Variants in FCMR observed in about 807,000 individuals in gnomAD.
FCMR encodes Fc mu receptor.
In FCMR, 34 loss-of-function variants were observed where a neutral mutation model predicts 41.6. The ratio of observed to expected loss-of-function variants is 0.82; its 90% CI spans 0.62 to 1.09. FCMR has a LOEUF of 1.09. Among genes scored for constraint, FCMR ranks in the 50% least tolerant of loss-of-function variants. The pLI, the probability that FCMR is intolerant of heterozygous loss-of-function variation, is 0.00. For missense variants in FCMR, 496 were observed against 512.5 expected (o/e 0.97, Z 0.31); for synonymous variants, 209 against 211.8 (o/e 0.99, Z 0.12).
Position 206,904,366 on chromosome 1 carries a change from C to T in FCMR, c.*653G>A, listed in dbSNP as rs1046841313. On this transcript the variant is annotated 3_prime_UTR_variant, in exon 8 of 8. Transcript: ENST00000367091. Reference sequence around the variant, plus strand: ...ACTTATGTGCATCAAGTGATGGAGACAGAGTAAAGAGAATTTATGGATATA... The same window carrying T: ...ACTTATGTGCATCAAGTGATGGAGATAGAGTAAAGAGAATTTATGGATATA... 1.3e-5 allele frequency: 2 copies of T among 149,028 alleles called. No homozygotes were observed. The highest frequency in any genetic ancestry group is 2.5e-5 in the African/African-American group (1 of 39,916). The allele number at this position is 149,028 out of a possible 1,614,324, so 9.2% of individuals were successfully genotyped here. A position where few individuals can be genotyped will look rare whatever the true frequency, so the allele number is the denominator to read the frequency against.
In FCMR at chr1:206,909,727, G is replaced by A; in HGVS notation, c.983C>T (p.Ala328Val). 1 of 1,450,166 alleles carries A rather than the reference G, an allele frequency of 6.9e-7. No homozygotes were observed. The highest frequency in any genetic ancestry group is 3.0e-5 in the East Asian group (1 of 33,448). The allele number at this position is 1,450,166 out of a possible 1,614,324, so 89.8% of individuals were successfully genotyped here. ...CPRRARGADA[A>V]GTGEAPVPGP... ...CCGTGGCCCGCCCGGCGGCTCACCT[G>A]CAGCGTCCGCTCCACGAGCGCGCCG... Residue 328 changes from alanine (A) to valine (V), a missense_variant and splice_region_variant, in exon 6 of 8, where the codon GCA becomes GTA. Transcript: ENST00000367091. This position sits in a 1 kb window ranked among gnomAD's most constrained non-coding sequence, Gnocchi z 5.0.
Position 206,903,555 on chromosome 1 carries a change from T to A in FCMR, c.*1464A>T, listed in dbSNP as rs1063304. On this transcript the variant is annotated 3_prime_UTR_variant, in exon 8 of 8. Transcript: ENST00000367091. The stretch of plus-strand genomic sequence containing the variant: ...TCAGAGCATGAAAATCACACTGTCT[T>A]CTGATATCTGCAGGGACAGAGCATT... 6.2e-6 allele frequency: 1 copy of A among 161,328 alleles called. No individual in the cohort carries two copies. The highest frequency in any genetic ancestry group is 1.4e-5 in the Non-Finnish European group (1 of 73,012). 10.0% of individuals were successfully genotyped at this position (161,328 alleles called of 1,614,324 possible).
chr1:206,912,927 A>G lies in FCMR; in HGVS notation c.487+2T>C. The G allele has an allele frequency of 1.2e-6, 2 of 1,600,338 alleles. No individual in the cohort carries two copies. The highest frequency in any genetic ancestry group is 1.7e-6 in the Non-Finnish European group (2 of 1,167,616). ...CTCCTACCCTTGCTATGGTGAACTG[A>G]CCTCTGGTTACGAATTTGGAAGAAC... On this transcript the variant is annotated splice_donor_variant, in intron 3 of 7. Coordinates refer to ENST00000367091, the MANE Select transcript of FCMR (RefSeq NM_005449.5). LOFTEE classifies it high-confidence loss of function.
chr1:206,918,709 T>C (rs1679301977), intron 1 of FCMR, among the ~76,000 whole-genome samples: 1 of 150,886 alleles, frequency 6.6e-6, no homozygotes, highest in Non-Finnish European at 1.5e-5. Context: ...GGTCCCAGCA[T>C]CAAATGTATG....
chr1:206,911,695 A>G, intron 4 of FCMR, 35 bp downstream of exon 4: 1 of 1,585,146 alleles, frequency 6.3e-7, no homozygotes, highest in Non-Finnish European at 8.6e-7. Context: ...TCTTAATTCT[A>G]GCCTAACTCT....
chr1:206,916,483 A>T (rs950947984), intron 1 of FCMR, among the ~76,000 whole-genome samples: 1 of 152,184 alleles, frequency 6.6e-6, no homozygotes, highest in African/African-American at 2.4e-5. Flanking sequence ...CAGGCCTCCC[A>T]GGGTTGAGCT....
Position 206,911,684 on chromosome 1 carries a change from C to G in FCMR, c.710+46G>C, listed in dbSNP as rs781102864. 1.9e-6 allele frequency: 3 copies of G among 1,566,018 alleles called. No homozygotes were observed. In the African/African-American group the frequency reaches 4.1e-5, roughly 21 times the overall value. ...GACATTGCAGTGGGTTTCAGTGGAT[C>G]TCTTAATTCTAGCCTAACTCTAGAT... On this transcript the variant is annotated intron_variant, in intron 4 of 7. Coordinates refer to ENST00000367091, the MANE Select transcript of FCMR (RefSeq NM_005449.5).
At chr1:206,918,080 C>T (rs1301597178) in intron 1 of FCMR, among the ~76,000 whole-genome samples, 6 of 152,168 alleles carry the variant, frequency 3.9e-5, no homozygotes, top group African/African-American at 1.4e-4. Flanking sequence ...ATTTCGTGTC[C>T]AGTATTCCAC....
At chr1:206,916,430 G>A (rs559463595) in intron 1 of FCMR, among the ~76,000 whole-genome samples, 1 of 152,344 alleles carries the variant, frequency 6.6e-6, no homozygotes, top group African/African-American at 2.4e-5. Flanking sequence ...GGGGAAGATA[G>A]CAGAGATGGG....
intron 7 of FCMR, chr1:206,907,841 G>GC: frequency 7.1e-7 from 1 of 1,403,514 alleles, no homozygotes; most frequent in Non-Finnish European, 1.0e-6. Context: ...CCACTTCCCG[G>GC]CCCCCAGCCG....
chr1:206,909,936 G>A lies in FCMR; in HGVS notation c.842-68C>T. ...GAGGCCCGTGCCACCCTCCCCAAAC[G>A]AAAGGCTGCCTCCTCCCTCGGGCTT... On this transcript the variant is annotated intron_variant, in intron 5 of 7. Coordinates refer to ENST00000367091, the MANE Select transcript of FCMR (RefSeq NM_005449.5). The surrounding 1 kb of genome is among the most constrained non-coding windows in gnomAD (Gnocchi z 5.0). 7.4e-7 allele frequency: 1 copy of A among 1,355,778 alleles called. No individual in the cohort carries two copies. Among genetic ancestry groups the A allele is most frequent in the Non-Finnish European group, 9.5e-7 (1 of 1,052,418 alleles). The allele number at this position is 1,355,778 out of a possible 1,614,324, so 84.0% of individuals were successfully genotyped here.
chr1:206,918,650 AGTGTGTGTGTGTGT>A (rs10652847), intron 1 of FCMR, among the ~76,000 whole-genome samples: 71 of 145,986 alleles, frequency 4.9e-4, no homozygotes, highest in African/African-American at 1.5e-3. Flanking sequence ...ATAAATTTTA[AGTGTGTGTGTGTGT>A]GTGTGTGTGT....
chr1:206,908,135 A>C (rs1395756772), intron 7 of FCMR: 1 of 1,317,742 alleles, frequency 7.6e-7, no homozygotes, highest in East Asian at 2.3e-5. Context: ...AAGAAGAAAC[A>C]GCTCATGAGG....
intron 7 of FCMR, chr1:206,907,885 C>A: frequency 7.7e-7 from 1 of 1,296,882 alleles, no homozygotes; most frequent in Non-Finnish European, 1.1e-6. Context: ...CTTGCTGCCC[C>A]AAGAGACCAA....
At chr1:206,908,046 C>T (rs901569124) in intron 7 of FCMR, 27 of 1,211,052 alleles carry the variant, frequency 2.2e-5, no homozygotes, top group African/African-American at 1.5e-5. Flanking sequence ...GCCTGGCTCA[C>T]GATGGTGGCT....
chr1:206,911,797 C>A lies in FCMR; in HGVS notation c.643G>T (p.Ala215Ser), dbSNP rs962595967. The change falls in exon 4 of 8, where the codon GCT (alanine) becomes TCT (serine). Residue 215 changes from alanine to serine, a missense_variant. Physicochemically the swap from Ala to Ser is moderately conservative, Grantham distance 99. Transcript: ENST00000367091. Reference sequence around the variant, plus strand: ...TGGGGCTTGAGCAGCCCCTCCAGAGCTGAGATTTTTGAGGCTGTAGTGGAT... The same window carrying A: ...TGGGGCTTGAGCAGCCCCTCCAGAGATGAGATTTTTGAGGCTGTAGTGGAT... ...LPSTTASKIS[A>S]LEGLLKPQTP... 1 of 1,612,472 alleles carries A rather than the reference C, an allele frequency of 6.2e-7. No individual in the cohort carries two copies. The highest frequency in any genetic ancestry group is 8.5e-7 in the Non-Finnish European group (1 of 1,179,440).
At chr1:206,906,300 C>T (rs1213073783) in intron 7 of FCMR, 1 of 249,744 alleles carries the variant, frequency 4.0e-6, no homozygotes, top group South Asian at 6.2e-5. Context: ...GGTGGTAATA[C>T]CTGAGCTTCC....
At chr1:206,906,928 G>T (rs1239922084) in intron 7 of FCMR, among the ~76,000 whole-genome samples, 1 of 151,952 alleles carries the variant, frequency 6.6e-6, no homozygotes, top group Non-Finnish European at 1.5e-5. Context: ...GAAGCAAGCT[G>T]CTGCTGCTTC....
At chr1:206,914,609 T>C (rs1372821551) in intron 1 of FCMR, among the ~76,000 whole-genome samples, 1 of 151,986 alleles carries the variant, frequency 6.6e-6, no homozygotes, top group East Asian at 1.9e-4. Flanking sequence ...TTTTTGTCTT[T>C]TTTGTAGAGA....
Sources: gnomAD v4.1 joint callset for allele counts (sites outside exome capture counted in the v4.1 genomes callset) on GRCh38, gnomAD v4.1.1 for gene constraint, Gnocchi (gnomAD v3.1) non-coding constraint, MANE v1.5 for transcripts, NCBI Gene and HGNC (gene_info 2026-07-23, HGNC 2026-07-21) for gene names.